Variants in NR2F1 observed in about 807,000 individuals in gnomAD.
NR2F1 encodes COUP transcription factor 1.
NR2F1 carries 1 observed loss-of-function variant against 37.7 expected under a neutral mutation model. That is an observed-to-expected ratio of 0.03 (90% CI 0.01 to 0.13). The LOEUF (loss-of-function observed/expected upper bound fraction) is 0.13. NR2F1 is among the 10% of genes least tolerant of loss of function. The pLI is 1.00. For synonymous variants in NR2F1, 275 were observed against 259.6 expected (o/e 1.06, Z -0.57); for missense variants, 268 against 578.4 (o/e 0.46, Z 5.50).
At chr5:93,592,656 A>G (rs1580362860) in intron 2 of NR2F1, among the ~76,000 whole-genome samples, 1 of 73,954 alleles carries the variant, frequency 1.4e-5, no homozygotes, top group African/African-American at 5.5e-5. Flanking sequence ...TCCCCCCTCA[A>G]CTCCCCACCA....
chr5:93,588,484 G>A, intron 2 of NR2F1, 40 bp downstream of exon 2: 2 of 1,436,806 alleles, frequency 1.4e-6, no homozygotes, highest in Non-Finnish European at 1.8e-6. Flanking sequence ...CGCGCCGGCA[G>A]CGAGCGCAGG....
chr5:93,591,856 G>A (rs971203730), intron 2 of NR2F1: 4 of 152,220 alleles, frequency 2.6e-5, no homozygotes, highest in African/African-American at 9.6e-5. Context: ...TTAGCAAGCA[G>A]GGCCAAACTC....
At position 93,588,452 on chromosome 5, in the gene NR2F1, T is replaced by C. The variant is rs1261871646; in HGVS notation, c.991+8T>C. On this transcript the variant is annotated splice_region_variant and intron_variant, in intron 2 of 2. Transcript: ENST00000327111. Reference sequence around the variant, plus strand: ...TCGTGCTGTTCACGTCAGGTGAGGCTGCGGTCGCGGGGAGGGCAGGCCGCG... The same window carrying C: ...TCGTGCTGTTCACGTCAGGTGAGGCCGCGGTCGCGGGGAGGGCAGGCCGCG... 1 of 1,557,116 alleles carries C rather than the reference T, an allele frequency of 6.4e-7. No individual in the cohort carries two copies. Among genetic ancestry groups the C allele is most frequent in the Non-Finnish European group, 8.7e-7 (1 of 1,146,958 alleles).
chr5:93,593,581 T>C lies in NR2F1; in HGVS notation c.1011T>C (p.Asp337=). ...GGGCAGACGCCTGTGGCCTGTCGGA[T>C]GCGGCCCACATCGAGAGCCTGCAGG... is the stretch of plus-strand genomic sequence containing the variant. ...LFTSDACGLS[D]AAHIESLQEK... The change falls in exon 3 of 3, where the codon GAT becomes GAC. Residue 337 remains aspartate (D), a synonymous_variant. Transcript: ENST00000327111. This position sits in a 1 kb window ranked among gnomAD's most constrained non-coding sequence, Gnocchi z 5.6. The C allele has an allele frequency of 1.2e-6, 2 of 1,613,690 alleles. No homozygotes were observed. The highest frequency in any genetic ancestry group is 2.2e-5 in the South Asian group (2 of 91,058).
rs572572485 is a variant in NR2F1, at chr5:93,592,370, G to T, written c.992-1192G>T. On this transcript the variant is annotated intron_variant, in intron 2 of 2. Coordinates refer to ENST00000327111, the MANE Select transcript of NR2F1 (RefSeq NM_005654.6). ...TAAGGGCTCCTCTGTGATCTTACTG[G>T]TTTTTTTTTAATATTTATTATTAAT... is the stretch of plus-strand genomic sequence containing the variant. Among the ~76,000 whole-genome samples the T allele has an allele frequency of 7.3e-5, 11 of 151,256 alleles. No homozygotes were observed. The South Asian group carries it at 1.3e-3, about 17-fold the overall frequency.
rs1029984473 is a variant in NR2F1 at position 93,592,600 on chromosome 5, C to CT, written c.992-957dup. ...AGGTGCTGTCATTGTGCGGAGGTGC[C>CT]TTTTTCTCCCTTGGTCCTGCCACCA... On this transcript the variant is annotated intron_variant, in intron 2 of 2. Transcript: ENST00000327111. 3.2e-4 allele frequency among the ~76,000 whole-genome samples: 49 copies of CT among 151,888 alleles called. 1 individual carries two copies. Among genetic ancestry groups the CT allele is most frequent in the Middle Eastern group, 6.8e-3 (2 of 294 alleles).
intron 1 of NR2F1, 139 bp downstream of exon 1, chr5:93,585,625 G>A: frequency 5.7e-6 from 4 of 703,270 alleles, no homozygotes; most frequent in Non-Finnish European, 9.5e-6. Flanking sequence ...TCTCCCGGCT[G>A]CCTTCCTCCC....
chr5:93,590,867 A>G (rs539079248), intron 2 of NR2F1, among the ~76,000 whole-genome samples: 1 of 152,378 alleles, frequency 6.6e-6, no homozygotes, highest in South Asian at 2.1e-4. Context: ...GCATCCAAGG[A>G]CTAGGTCATG....
rs1580363187 is a variant in NR2F1, at chr5:93,593,269, A to G, written c.992-293A>G. On this transcript the variant is annotated intron_variant, in intron 2 of 2. Transcript: ENST00000327111. The surrounding 1 kb of genome is among the most constrained non-coding windows in gnomAD (Gnocchi z 5.6). ...ATCCAAAGGTGAAAGAGGAAAAACA[A>G]AGGGACTAGAGAGGTTTCTGCCTCT... is the stretch of plus-strand genomic sequence containing the variant. 2.0e-5 allele frequency among the ~76,000 whole-genome samples: 3 copies of G among 152,124 alleles called. No homozygotes were observed. In the South Asian group the frequency reaches 6.2e-4, roughly 32 times the overall value.
At position 93,585,260 on chromosome 5, in the gene NR2F1, G is replaced by C. The variant is rs199844882; in HGVS notation, c.237G>C (p.Gln79His). 1,364 of 1,584,950 alleles carry C rather than the reference G, an allele frequency of 8.6e-4. 1 individual carries two copies. Among genetic ancestry groups the C allele is most frequent in the Non-Finnish European group, 1.1e-3 (1,281 of 1,165,630 alleles). The change falls in exon 1 of 3, where the codon CAG becomes CAC. Residue 79 changes from glutamine to histidine, a missense_variant. Coordinates refer to ENST00000327111, the MANE Select transcript of NR2F1 (RefSeq NM_005654.6). Reference protein sequence around the residue: ...DKGQGPPGSGQSQQHIECVVC... With the variant: ...DKGQGPPGSGHSQQHIECVVC... ...GCCAGGGCCCGCCCGGTTCGGGCCA[G>C]AGCCAGCAGCACATCGAGTGCGTGG...
rs1469470969 is a variant in NR2F1 at position 93,593,242 on chromosome 5, T to G, written c.992-320T>G. The stretch of plus-strand genomic sequence containing the variant: ...CATGGTTCCAGCATTGTACATTATT[T>G]AATCCAAAGGTGAAAGAGGAAAAAC... On this transcript the variant is annotated intron_variant, in intron 2 of 2. Coordinates refer to ENST00000327111, the MANE Select transcript of NR2F1 (RefSeq NM_005654.6). This position sits in a 1 kb window ranked among gnomAD's most constrained non-coding sequence, Gnocchi z 5.6. Among the ~76,000 whole-genome samples, 2 of 152,174 alleles carry G rather than the reference T, an allele frequency of 1.3e-5. No homozygotes were observed. Among genetic ancestry groups the G allele is most frequent in the Admixed American group, 1.3e-4 (2 of 15,286 alleles).
At chr5:93,587,883 C>A in intron 1 of NR2F1, 34 bp from the exon 2 acceptor site, 1 of 1,537,178 alleles carries the variant, frequency 6.5e-7, no homozygotes. Context: ...TCCCTGGATG[C>A]ACATTGCCTC....
chr5:93,588,621 C>G (rs1183245374), intron 2 of NR2F1, among the ~76,000 whole-genome samples, 177 bp downstream of exon 2: 4 of 149,666 alleles, frequency 2.7e-5, no homozygotes, highest in African/African-American at 9.7e-5. Context: ...CTGGCCGCGC[C>G]GCTGCCATCT....
In NR2F1 at chr5:93,593,318, G is replaced by A. The variant is rs1753365295; in HGVS notation, c.992-244G>A. 6.6e-6 allele frequency among the ~76,000 whole-genome samples: 1 copy of A among 151,988 alleles called. No individual in the cohort carries two copies. The highest frequency in any genetic ancestry group is 2.1e-4 in the South Asian group (1 of 4,810). ...CTGCATGTGTGTGCCTCTCTCTCCA[G>A]CTCCCCTAGGCTTGGTGGGGGTTTG... On this transcript the variant is annotated intron_variant, in intron 2 of 2. Transcript: ENST00000327111. The surrounding 1 kb of genome is among the most constrained non-coding windows in gnomAD (Gnocchi z 5.6).
At chr5:93,588,507 C>A in intron 2 of NR2F1, 63 bp downstream of exon 2, 1 of 1,209,512 alleles carries the variant, frequency 8.3e-7, no homozygotes, top group Non-Finnish European at 1.0e-6. Context: ...CCGCGCCGCC[C>A]GGGCCTGGCC....
intron 1 of NR2F1, chr5:93,585,772 A>C: frequency 1.1e-5 from 5 of 437,218 alleles, no homozygotes; most frequent in East Asian, 4.2e-5. Context: ...GTGGCTTAAA[A>C]TCCCCTTCTT....
chr5:93,585,644 TC>T (rs1255657030), intron 1 of NR2F1, 158 bp downstream of exon 1: 4 of 601,746 alleles, frequency 6.6e-6, no homozygotes, highest in Non-Finnish European at 2.8e-6. Flanking sequence ...CCCCGGCGTC[TC>T]CCCCCGCCCT....
At chr5:93,586,930 A>G (rs986608730) in intron 1 of NR2F1, among the ~76,000 whole-genome samples, 4 of 152,076 alleles carry the variant, frequency 2.6e-5, no homozygotes, top group East Asian at 1.9e-4. Context: ...GAACATATCT[A>G]TATTAATTTG....
At chr5:93,586,549 T>G (rs1476921081) in intron 1 of NR2F1, among the ~76,000 whole-genome samples, 1 of 152,262 alleles carries the variant, frequency 6.6e-6, no homozygotes, top group South Asian at 2.1e-4. Flanking sequence ...AGATGTCTTA[T>G]AGTCAAATTA....
Sources: gnomAD v4.1 joint callset for allele counts (sites outside exome capture counted in the v4.1 genomes callset) on GRCh38, gnomAD v4.1.1 for gene constraint, Gnocchi (gnomAD v3.1) non-coding constraint, MANE v1.5 for transcripts, NCBI Gene and HGNC (gene_info 2026-07-23, HGNC 2026-07-21) for gene names.